The following DYM variants were observed in gnomAD, a reference collection of about 807,000 sequenced individuals.
DYM encodes the protein dymeclin.
In DYM, 78 loss-of-function variants were observed where a neutral mutation model predicts 93.1. The observed-to-expected ratio is 0.84, with a 90% CI of 0.70 to 1.01. The LOEUF (loss-of-function observed/expected upper bound fraction) is 1.01. DYM is among the 50% of genes least tolerant of loss of function. The pLI is 0.00. For missense variants in DYM, 789 were observed against 845.0 expected, an observed-to-expected ratio of 0.93 and a Z score of 0.82; for synonymous variants, 321 against 319.7, an observed-to-expected ratio of 1.00 and a Z score of -0.04.
intron 2 of DYM, among the ~76,000 whole-genome samples, chr18:49,395,546 T>C (rs775287165): frequency 6.6e-6 from 1 of 151,876 alleles, no homozygotes; most frequent in Non-Finnish European, 1.5e-5. Context: ...GGAGAATCGC[T>C]TGAAACTGGG....
At chr18:49,092,842 G>C (rs1446220553) in intron 17 of DYM, among the ~76,000 whole-genome samples, 1 of 152,164 alleles carries the variant, frequency 6.6e-6, no homozygotes, top group Non-Finnish European at 1.5e-5. Context: ...AGCGGTAAGA[G>C]ACCCTTAGTC....
At chr18:49,047,779 A>T (rs1245093478) in intron 17 of DYM, among the ~76,000 whole-genome samples, 2 of 152,122 alleles carry the variant, frequency 1.3e-5, no homozygotes, top group Non-Finnish European at 2.9e-5. Flanking sequence ...TCAGGTGTCT[A>T]AGAGGTACCA....
At chr18:49,222,187 TAAAGAG>T (rs1478978237) in intron 13 of DYM, among the ~76,000 whole-genome samples, 1 of 151,964 alleles carries the variant, frequency 6.6e-6, no homozygotes, top group Non-Finnish European at 1.5e-5. Context: ...CGGAACAGAA[TAAAGAG>T]AAAAACATTA....
intron 13 of DYM, among the ~76,000 whole-genome samples, chr18:49,215,752 T>C (rs2093002489): frequency 6.6e-6 from 1 of 152,170 alleles, no homozygotes; most frequent in African/African-American, 2.4e-5. Context: ...GTAATGAAAC[T>C]ACACAAAGAA....
chr18:49,173,106 C>G (rs774488932), intron 14 of DYM, among the ~76,000 whole-genome samples: 1 of 151,762 alleles, frequency 6.6e-6, no homozygotes, highest in Non-Finnish European at 1.5e-5. Context: ...CCTTGGCACC[C>G]TTGTTGAAAT....
intron 11 of DYM, among the ~76,000 whole-genome samples, chr18:49,262,753 A>C (rs958598911): frequency 1.3e-5 from 2 of 152,168 alleles, no homozygotes; most frequent in East Asian, 3.9e-4. Context: ...TGCCATACAT[A>C]CTACTTAAGT....
At chr18:49,408,888 T>C (rs757092197) in intron 2 of DYM, among the ~76,000 whole-genome samples, 1 of 152,214 alleles carries the variant, frequency 6.6e-6, no homozygotes, top group South Asian at 2.1e-4. Context: ...CTTAAACTCA[T>C]GTGAGAATCC....
intron 8 of DYM, among the ~76,000 whole-genome samples, chr18:49,289,704 C>T (rs1171224011): frequency 6.8e-5 from 9 of 132,794 alleles, no homozygotes; most frequent in African/African-American, 2.6e-4. Context: ...GAATAAGCCC[C>T]TATCTCAAAT....
intron 15 of DYM, among the ~76,000 whole-genome samples, chr18:49,156,470 G>T (rs1041697777): frequency 6.6e-6 from 1 of 151,886 alleles, no homozygotes; most frequent in African/African-American, 2.4e-5. Flanking sequence ...GGTGGCTCAC[G>T]CCTGTAATCC....
At chr18:49,057,890 A>G (rs1013943443) in intron 17 of DYM, among the ~76,000 whole-genome samples, 4 of 152,198 alleles carry the variant, frequency 2.6e-5, no homozygotes, top group African/African-American at 9.7e-5. Context: ...TAGTTACTTC[A>G]TCTATAAACC....
At chr18:49,249,982 C>A (rs1371872622) in intron 13 of DYM, among the ~76,000 whole-genome samples, 3 of 152,216 alleles carry the variant, frequency 2.0e-5, no homozygotes, top group Middle Eastern at 6.8e-3. Flanking sequence ...GTGTGAAAAC[C>A]CAGAAAGCTT....
At chr18:49,295,910 G>T (rs535039164) in intron 8 of DYM, among the ~76,000 whole-genome samples, 4 of 151,312 alleles carry the variant, frequency 2.6e-5, no homozygotes, top group East Asian at 1.9e-4. Flanking sequence ...AACCAAAACC[G>T]TTCTTATTTA....
chr18:49,041,603 A>T lies in DYM; in HGVS notation c.*2452T>A, dbSNP rs1404002474. 2.0e-5 allele frequency: 3 copies of T among 152,260 alleles called. No individual in the cohort carries two copies. In the East Asian group the frequency reaches 5.8e-4, roughly 29 times the overall value. The allele number at this position is 152,260 out of a possible 1,614,324, so 9.4% of individuals were successfully genotyped here. A position where few individuals can be genotyped will look rare whatever the true frequency, so the allele number is the denominator to read the frequency against. ...GGGGCCTCCCTCCTGAGCGGGAACC[A>T]GGACTGGGAGCATCACTTGCAGGCC... On this transcript the variant is annotated 3_prime_UTR_variant, in exon 18 of 18. Transcript: ENST00000675505.
At chr18:49,416,956 G>A (rs2073061419) in intron 2 of DYM, among the ~76,000 whole-genome samples, 1 of 152,096 alleles carries the variant, frequency 6.6e-6, no homozygotes, top group African/African-American at 2.4e-5. Flanking sequence ...CTAGACCCAA[G>A]CAGCCTTATC....
intron 2 of DYM, among the ~76,000 whole-genome samples, chr18:49,429,932 A>G (rs372792935): frequency 6.6e-6 from 1 of 152,242 alleles, no homozygotes; most frequent in East Asian, 1.9e-4. Flanking sequence ...ACAGAACAGT[A>G]CGTGTAGTAT....
intron 10 of DYM, among the ~76,000 whole-genome samples, chr18:49,281,596 A>C (rs2094978739): frequency 2.6e-5 from 4 of 152,250 alleles, no homozygotes; most frequent in Admixed American, 2.6e-4. Context: ...AATGTGGCAC[A>C]TATACACCAT....
rs150638516 is a variant in DYM at position 49,322,662 on chromosome 18, A to T, written c.763+9202T>A. 8.1e-3 allele frequency among the ~76,000 whole-genome samples: 1,229 copies of T among 152,146 alleles called. 5 individuals carry two copies. The highest frequency in any genetic ancestry group is 0.012 in the Non-Finnish European group (819 of 67,974). On this transcript the variant is annotated intron_variant, in intron 8 of 17. Transcript: ENST00000675505. Reference sequence around the variant, plus strand: ...TATATAAACAGTGTATATACCAAACATCTGATAATTTTCATAATTTATTTA... The same window carrying T: ...TATATAAACAGTGTATATACCAAACTTCTGATAATTTTCATAATTTATTTA...
chr18:49,319,254 A>C (rs560505546), intron 8 of DYM, among the ~76,000 whole-genome samples: 1 of 152,346 alleles, frequency 6.6e-6, no homozygotes, highest in African/African-American at 2.4e-5. Context: ...AAAGTACAGC[A>C]CAAGGACTAG....
At chr18:49,418,321 T>C (rs76976969) in intron 2 of DYM, among the ~76,000 whole-genome samples, 12,174 of 151,354 alleles carry the variant, frequency 0.08, 762 homozygotes, top group East Asian at 0.31. Context: ...TTTAGAAACA[T>C]GTATAAAATC....
Sources: gnomAD v4.1 joint callset for allele counts (sites outside exome capture counted in the v4.1 genomes callset) on GRCh38, gnomAD v4.1.1 for gene constraint, MANE v1.5 for transcripts, NCBI Gene and HGNC (gene_info 2026-07-23, HGNC 2026-07-21) for gene names.